Variants in NAF1 observed in about 807,000 individuals in gnomAD.
The protein encoded by NAF1 is nuclear assembly factor 1 ribonucleoprotein.
NAF1 carries 11 observed loss-of-function variants against 40.6 expected under a neutral mutation model. The ratio of observed to expected loss-of-function variants is 0.27; its 90% CI spans 0.17 to 0.45. The LOEUF is 0.45. NAF1 is among the 20% of genes least tolerant of loss of function. The probability of loss-of-function intolerance (pLI) is 1.00; values close to 1 mark genes in which losing one functional copy is unlikely to be tolerated. For synonymous variants in NAF1, 260 were observed against 228.5 expected, an observed-to-expected ratio of 1.14 and a Z score of -1.24; for missense variants, 607 against 611.1, an observed-to-expected ratio of 0.99 and a Z score of 0.07.
chr4:163,151,179 C>A (rs971460034), intron 2 of NAF1, among the ~76,000 whole-genome samples: 2 of 151,674 alleles, frequency 1.3e-5, no homozygotes, highest in African/African-American at 2.4e-5. Context: ...ACTCCCTTAC[C>A]CCACAGCATG....
At chr4:163,124,272 T>C (rs1262176254), downstream of NAF1, among the ~76,000 whole-genome samples, 1 of 152,144 alleles carries the variant, frequency 6.6e-6, no homozygotes, top group Non-Finnish European at 1.5e-5. Flanking sequence ...CCGGTGATGG[T>C]TGCTCTCTGC....
In NAF1 at chr4:163,140,302, T is replaced by A. The variant is rs1182978911; in HGVS notation, c.799A>T (p.Ile267Phe). ...NSSDHIESKG[I>F]KIKETMYFAP... ...AAATACATAGTCTCCTTTATTTTAA[T>A]ACCTTTACTCTCAATGTGATCTGAA... The change falls in exon 5 of 8, where the codon ATT becomes TTT. Residue 267 changes from isoleucine (I) to phenylalanine (F), a missense_variant. Physicochemically the swap from Ile to Phe is conservative, Grantham distance 21. This residue lies in a region of NAF1 where 407 missense variants were observed against 365.5 expected (regional missense o/e 1.11). Transcript: ENST00000274054. 6.2e-7 allele frequency: 1 copy of A among 1,608,994 alleles called. No homozygotes were observed. The highest frequency in any genetic ancestry group is 1.3e-5 in the African/African-American group (1 of 74,740).
intron 2 of NAF1, among the ~76,000 whole-genome samples, chr4:163,163,354 C>T (rs764062802): frequency 6.6e-6 from 1 of 152,026 alleles, no homozygotes; most frequent in Non-Finnish European, 1.5e-5. Flanking sequence ...AAAAAGGCTC[C>T]TGAGTGCCTG....
At chr4:163,153,025 C>G (rs1287081954) in intron 2 of NAF1, among the ~76,000 whole-genome samples, 2 of 152,226 alleles carry the variant, frequency 1.3e-5, no homozygotes, top group African/African-American at 4.8e-5. Context: ...GGTCCCCCAG[C>G]AGTGCCAGCC....
At chr4:163,123,736 T>C (rs17043376), downstream of NAF1, among the ~76,000 whole-genome samples, 39,168 of 152,130 alleles carry the variant, frequency 0.26, 5,417 homozygotes, top group African/African-American at 0.36. Flanking sequence ...ATGATTTTAA[T>C]TTCATTCTAT....
At chr4:163,127,291 G>A (rs948987836), downstream of NAF1, among the ~76,000 whole-genome samples, 7 of 152,008 alleles carry the variant, frequency 4.6e-5, no homozygotes, top group East Asian at 1.9e-4. Context: ...CACCACGCTC[G>A]GCTAATTTTT....
At chr4:163,125,886 A>C (rs925604739), downstream of NAF1, among the ~76,000 whole-genome samples, 1 of 152,200 alleles carries the variant, frequency 6.6e-6, no homozygotes, top group Non-Finnish European at 1.5e-5. Flanking sequence ...CTCATTTACA[A>C]TTCCAAAAAT....
chr4:163,112,789 A>C (rs1246161553), intron 2 of NAF1, among the ~76,000 whole-genome samples: 2 of 152,228 alleles, frequency 1.3e-5, no homozygotes, highest in African/African-American at 2.4e-5. Flanking sequence ...GGAAAACAAA[A>C]CTGCTACTGA....
At chr4:163,124,291 T>C (rs1285832573), downstream of NAF1, among the ~76,000 whole-genome samples, 2 of 152,206 alleles carry the variant, frequency 1.3e-5, no homozygotes, top group South Asian at 2.1e-4. Flanking sequence ...GCTTACAAGA[T>C]GGCACCCTGT....
At chr4:163,158,657 A>G (rs1409314885) in intron 2 of NAF1, among the ~76,000 whole-genome samples, 1 of 151,600 alleles carries the variant, frequency 6.6e-6, no homozygotes, top group Admixed American at 6.6e-5. Context: ...AAAGTTCATA[A>G]TACTTTCAAA....
intron 2 of NAF1, 37 bp from the exon 3 acceptor site, chr4:163,148,471 C>G: frequency 7.3e-7 from 1 of 1,366,230 alleles, no homozygotes; most frequent in Non-Finnish European, 1.0e-6. Context: ...TAAACTTCCT[C>G]CAGCTTCAAC....
intron 6 of NAF1, among the ~76,000 whole-genome samples, chr4:163,136,804 A>C (rs557919843): frequency 3.3e-5 from 5 of 152,342 alleles, no homozygotes; most frequent in African/African-American, 1.2e-4. Context: ...CAAAAGAAGG[A>C]CAGCTATTAA....
intron 2 of NAF1, among the ~76,000 whole-genome samples, chr4:163,159,630 G>T (rs542070272): frequency 6.6e-6 from 1 of 151,708 alleles, no homozygotes; most frequent in South Asian, 2.1e-4. Flanking sequence ...ATACATTCAC[G>T]TTAGGACATT....
At chr4:163,109,568 C>G (rs989416874), downstream of NAF1, among the ~76,000 whole-genome samples, 3 of 152,098 alleles carry the variant, frequency 2.0e-5, no homozygotes, top group Non-Finnish European at 4.4e-5. Context: ...ATAATGTATT[C>G]AAAGCATTTT....
chr4:163,137,906 C>A (rs1487849749), intron 5 of NAF1, among the ~76,000 whole-genome samples: 1 of 152,128 alleles, frequency 6.6e-6, no homozygotes, highest in Non-Finnish European at 1.5e-5. Context: ...TGAAAATCAA[C>A]AACTTTTGGT....
intron 2 of NAF1, among the ~76,000 whole-genome samples, chr4:163,111,456 T>G (rs1428199541): frequency 6.6e-6 from 1 of 152,150 alleles, no homozygotes; most frequent in Non-Finnish European, 1.5e-5. Flanking sequence ...TAGAATGAGC[T>G]TGATCAACTG....
chr4:163,162,613 T>A (rs1287896614), intron 2 of NAF1, among the ~76,000 whole-genome samples: 1 of 152,238 alleles, frequency 6.6e-6, no homozygotes, highest in African/African-American at 2.4e-5. Flanking sequence ...GTCTCCACTT[T>A]ATTTACTGTC....
rs148403532 is a variant in NAF1, at chr4:163,154,834, G to A, written c.541-6400C>T. On this transcript the variant is annotated intron_variant, in intron 2 of 7. Transcript: ENST00000274054. Reference sequence around the variant, plus strand: ...TGCAGTGAGCAGAGATCGCACCATTGCACTCCAGCCTGGGCGACAGAGCAA... The same window carrying A: ...TGCAGTGAGCAGAGATCGCACCATTACACTCCAGCCTGGGCGACAGAGCAA... 2.9e-3 allele frequency among the ~76,000 whole-genome samples: 431 copies of A among 146,972 alleles called. 12 individuals are homozygous for A. The East Asian group carries it at 0.061, about 21-fold the overall frequency.
intron 1 of NAF1, 42 bp downstream of exon 1, chr4:163,166,321 C>A (rs1391506685): frequency 6.5e-7 from 1 of 1,531,230 alleles, no homozygotes. Context: ...GCCCGTCATA[C>A]AAGACCTCTC....
Sources: gnomAD v4.1 joint callset for allele counts (sites outside exome capture counted in the v4.1 genomes callset) on GRCh38, gnomAD v4.1.1 for gene constraint, gnomAD v4.1.1 regional missense constraint, MANE v1.5 for transcripts, NCBI Gene and HGNC (gene_info 2026-07-23, HGNC 2026-07-21) for gene names.